Variants in CAMSAP1 observed in about 807,000 individuals in gnomAD.
The protein encoded by CAMSAP1 is calmodulin-regulated spectrin-associated protein 1.
In CAMSAP1, 58 loss-of-function variants were observed where a neutral mutation model predicts 143.5. The ratio of observed to expected loss-of-function variants is 0.40; its 90% CI spans 0.33 to 0.50. The LOEUF (loss-of-function observed/expected upper bound fraction) is 0.50, where lower values mean the gene tolerates loss of function less well. CAMSAP1 is among the 20% of genes least tolerant of loss of function. The probability of loss-of-function intolerance (pLI) is 0.45; values close to 1 mark genes in which losing one functional copy is unlikely to be tolerated. For missense variants in CAMSAP1, 1,969 were observed against 2,115.7 expected (o/e 0.93, Z 1.36); for synonymous variants, 945 against 859.3 (o/e 1.10, Z -1.74).
At chr9:135,867,526 T>C (rs1018494109) in intron 3 of CAMSAP1, among the ~76,000 whole-genome samples, 4 of 148,242 alleles carry the variant, frequency 2.7e-5, no homozygotes, top group Non-Finnish European at 6.0e-5. Context: ...AGAAAATGAA[T>C]GAAAATACCA....
At position 135,907,452 on chromosome 9, in the gene CAMSAP1, G is replaced by T. The variant is rs893645682; in HGVS notation, c.-293C>A. 1.4e-5 allele frequency among the ~76,000 whole-genome samples: 2 copies of T among 146,090 alleles called. No homozygotes were observed. Among genetic ancestry groups the T allele is most frequent in the African/African-American group, 2.5e-5 (1 of 40,674 alleles). On this transcript the variant is annotated 5_prime_UTR_variant, in exon 1 of 17. Transcript: ENST00000389532. Reference sequence around the variant, plus strand: ...CGGGGGCGGGCGCGGGGGCGGGAGCGGGCCGGGGGCGGTGGCAGCGCGTGC... The same window carrying T: ...CGGGGGCGGGCGCGGGGGCGGGAGCTGGCCGGGGGCGGTGGCAGCGCGTGC...
rs1835069711 is a variant in CAMSAP1 at position 135,812,000 on chromosome 9, A to C, written c.4507-389T>G. 6.6e-6 allele frequency among the ~76,000 whole-genome samples: 1 copy of C among 152,226 alleles called. No individual in the cohort carries two copies. The highest frequency in any genetic ancestry group is 2.4e-5 in the African/African-American group (1 of 41,466). ...CGAGCCATGGGGCTCTTTCACTGCC[A>C]GAAGGATACAGAGCACAGCAGCTGC... is the stretch of plus-strand genomic sequence containing the variant. On this transcript the variant is annotated intron_variant, in intron 16 of 16. Transcript: ENST00000389532. This position sits in a 1 kb window ranked among gnomAD's most constrained non-coding sequence, Gnocchi z 4.9.
At chr9:135,815,545 G>C (rs1293296508) in intron 15 of CAMSAP1, among the ~76,000 whole-genome samples, 3 of 152,184 alleles carry the variant, frequency 2.0e-5, no homozygotes, top group Non-Finnish European at 2.9e-5. Context: ...AGCCACAGCA[G>C]CACCTCCAGT....
chr9:135,850,524 GCATTCTA>G, intron 5 of CAMSAP1, 63 bp from the exon 6 acceptor site: 2 of 1,353,210 alleles, frequency 1.5e-6, no homozygotes, highest in Non-Finnish European at 1.0e-6. Context: ...AGAGAGAGAA[GCATTCTA>G]AAATGAAAAC....
chr9:135,851,895 G>A (rs1836796009), intron 5 of CAMSAP1, among the ~76,000 whole-genome samples: 2 of 152,172 alleles, frequency 1.3e-5, no homozygotes, highest in African/African-American at 4.8e-5. Flanking sequence ...ACTCTGAGAG[G>A]GGACTCGCTG....
chr9:135,862,024 C>T (rs1284762334), intron 5 of CAMSAP1, among the ~76,000 whole-genome samples: 1 of 152,222 alleles, frequency 6.6e-6, no homozygotes, highest in African/African-American at 2.4e-5. Context: ...CATCCTCAAA[C>T]TAAGTTCTAG....
chr9:135,817,848 C>T, intron 14 of CAMSAP1, 129 bp downstream of exon 14: 7 of 744,624 alleles, frequency 9.4e-6, no homozygotes, highest in Non-Finnish European at 1.3e-5. Flanking sequence ...TGCAACTATT[C>T]TGTAAATGTG....
rs909652003 is a variant in CAMSAP1 at position 135,810,203 on chromosome 9, G to C, written c.*1106C>G. On this transcript the variant is annotated 3_prime_UTR_variant, in exon 17 of 17. Transcript: ENST00000389532. The stretch of plus-strand genomic sequence containing the variant: ...GAACCCAAAGCCATCCACTTACTTG[G>C]AGTTCTGAAATAACTGCAAATAACC... 6.6e-6 allele frequency: 1 copy of C among 152,302 alleles called. No homozygotes were observed. Among genetic ancestry groups the C allele is most frequent in the African/African-American group, 2.4e-5 (1 of 41,438 alleles). 9.4% of individuals were successfully genotyped at this position (152,302 alleles called of 1,614,324 possible). A position where few individuals can be genotyped will look rare whatever the true frequency, so the allele number is the denominator to read the frequency against.
rs144500996 is a variant in CAMSAP1 at position 135,815,410 on chromosome 9, A to G, written c.4388-195T>C. Among the ~76,000 whole-genome samples, 417 of 152,368 alleles carry G rather than the reference A, an allele frequency of 2.7e-3. 1 individual carries two copies. The highest frequency in any genetic ancestry group is 4.6e-3 in the Non-Finnish European group (312 of 68,034). On this transcript the variant is annotated intron_variant, in intron 15 of 16. Coordinates refer to ENST00000389532, the MANE Select transcript of CAMSAP1 (RefSeq NM_015447.4). ...TTAAGTTATAAATTTTTAGACAACT[A>G]AAGACAAAGTAATCAATAATTTATC...
At chr9:135,849,502 T>C (rs993656021) in intron 7 of CAMSAP1, among the ~76,000 whole-genome samples, 3 of 152,204 alleles carry the variant, frequency 2.0e-5, no homozygotes, top group Non-Finnish European at 4.4e-5. Context: ...AAGAATCTGT[T>C]CTTTTGCCTT....
chr9:135,829,518 T>C (rs1193646749), intron 7 of CAMSAP1, among the ~76,000 whole-genome samples: 2 of 151,530 alleles, frequency 1.3e-5, no homozygotes, highest in Non-Finnish European at 2.9e-5. Flanking sequence ...CAAGACCTTG[T>C]CTCAAAGAAG....
At chr9:135,825,155 T>C (rs2131670173) in intron 8 of CAMSAP1, among the ~76,000 whole-genome samples, 1 of 152,056 alleles carries the variant, frequency 6.6e-6, no homozygotes, top group South Asian at 2.1e-4. Flanking sequence ...AAGCGTGCAA[T>C]TAGAGTGATT....
chr9:135,813,659 C>G (rs547540450), intron 16 of CAMSAP1, among the ~76,000 whole-genome samples: 2 of 152,308 alleles, frequency 1.3e-5, no homozygotes, highest in East Asian at 3.9e-4. Flanking sequence ...TGCTGGGCGG[C>G]CCTTGGTGGG....
Position 135,824,647 on chromosome 9 carries a change from G to T in CAMSAP1, c.1315+142C>A. The T allele has an allele frequency of 1.5e-6, 1 of 662,214 alleles. No homozygotes were observed. Among genetic ancestry groups the T allele is most frequent in the Non-Finnish European group, 2.5e-6 (1 of 405,084 alleles). 41.0% of individuals were successfully genotyped at this position (662,214 alleles called of 1,614,324 possible). ...GCCACAGCACTTCAGCCTGGTGACA[G>T]AGCAAGACTCCATCTCAAAAAACAA... On this transcript the variant is annotated intron_variant, in intron 9 of 16. Coordinates refer to ENST00000389532, the MANE Select transcript of CAMSAP1 (RefSeq NM_015447.4). This position sits in a 1 kb window ranked among gnomAD's most constrained non-coding sequence, Gnocchi z 4.1.
At chr9:135,905,574 C>T (rs1838753050) in intron 1 of CAMSAP1, among the ~76,000 whole-genome samples, 1 of 152,164 alleles carries the variant, frequency 6.6e-6, no homozygotes, top group Non-Finnish European at 1.5e-5. Context: ...CTCAGTGAGA[C>T]ACTCCACAGC....
Position 135,827,531 on chromosome 9 carries a change from C to A in CAMSAP1, c.1099G>T (p.Ala367Ser). The change falls in exon 8 of 17, where the codon GCG (alanine) becomes TCG (serine). Residue 367 changes from alanine (A) to serine (S), a missense_variant. Physicochemically the swap from Ala to Ser is moderately conservative, Grantham distance 99 (BLOSUM62 1). Transcript: ENST00000389532. ...SSRPPVPISN[A>S]TKRSFLGSPA... Reference sequence around the variant, plus strand: ...CTGCCTAGGAAACTGCGTTTGGTCGCGTTGGAGATCGGTACAGGAGGCCGG... The same window carrying A: ...CTGCCTAGGAAACTGCGTTTGGTCGAGTTGGAGATCGGTACAGGAGGCCGG... 6.2e-7 allele frequency: 1 copy of A among 1,612,418 alleles called. No individual in the cohort carries two copies. Among genetic ancestry groups the A allele is most frequent in the Non-Finnish European group, 8.5e-7 (1 of 1,178,656 alleles).
At chr9:135,858,936 C>T (rs1837076362) in intron 5 of CAMSAP1, among the ~76,000 whole-genome samples, 1 of 152,216 alleles carries the variant, frequency 6.6e-6, no homozygotes, top group African/African-American at 2.4e-5. Context: ...CTTCTGCCCA[C>T]ATTGAAGGCA....
Position 135,892,221 on chromosome 9 carries a change from A to G in CAMSAP1, c.161-9143T>C, listed in dbSNP as rs1480420368. Among the ~76,000 whole-genome samples, 10 of 152,290 alleles carry G rather than the reference A, an allele frequency of 6.6e-5. No individual in the cohort carries two copies. In the East Asian group the frequency reaches 1.5e-3, roughly 23 times the overall value. ...ACCGTGTGCAGACATGGTTCATAAT[A>G]AACTGCTGAAGACCAAAGGTGACGA... On this transcript the variant is annotated intron_variant, in intron 1 of 16. Transcript: ENST00000389532.
At position 135,818,258 on chromosome 9, in the gene CAMSAP1, C is replaced by T. The variant is rs572044141; in HGVS notation, c.4168+150G>A. 7 of 1,111,316 alleles carry T rather than the reference C, an allele frequency of 6.3e-6. No individual in the cohort carries two copies. Among genetic ancestry groups the T allele is most frequent in the Admixed American group, 4.7e-5 (2 of 42,496 alleles). 68.8% of individuals were successfully genotyped at this position (1,111,316 alleles called of 1,614,324 possible). A position where few individuals can be genotyped will look rare whatever the true frequency, so the allele number is the denominator to read the frequency against. Reference sequence around the variant, plus strand: ...TGCCGCACATCTCAGAGCATCTGGTCTCAACATTGTCATCCATGAAACGGG... The same window carrying T: ...TGCCGCACATCTCAGAGCATCTGGTTTCAACATTGTCATCCATGAAACGGG... On this transcript the variant is annotated intron_variant, in intron 13 of 16. Coordinates refer to ENST00000389532, the MANE Select transcript of CAMSAP1 (RefSeq NM_015447.4). This position sits in a 1 kb window ranked among gnomAD's most constrained non-coding sequence, Gnocchi z 7.7.
Sources: gnomAD v4.1 joint callset for allele counts (sites outside exome capture counted in the v4.1 genomes callset) on GRCh38, gnomAD v4.1.1 for gene constraint, Gnocchi (gnomAD v3.1) non-coding constraint, MANE v1.5 for transcripts, NCBI Gene and HGNC (gene_info 2026-07-23, HGNC 2026-07-21) for gene names.